The following CTXND1 variants were observed in gnomAD, a reference collection of about 807,000 sequenced individuals.
CTXND1 encodes the protein cortexin domain-containing 1 protein.
intron 1 of CTXND1, among the ~76,000 whole-genome samples, chr15:80,224,165 G>A (rs1395766215): frequency 6.6e-6 from 1 of 152,180 alleles, no homozygotes; most frequent in Non-Finnish European, 1.5e-5. Flanking sequence ...CCCCAGCTGT[G>A]TAAGTCTCCC....
chr15:80,234,900 T>C (rs1438556240), intron 1 of CTXND1, among the ~76,000 whole-genome samples: 1 of 152,204 alleles, frequency 6.6e-6, no homozygotes, highest in Non-Finnish European at 1.5e-5. Context: ...CCGTGTTTTG[T>C]TTCCTGCTTT....
Position 80,221,156 on chromosome 15 carries a change from G to A in CTXND1, c.-217-17416C>T, listed in dbSNP as rs143378115. Reference sequence around the variant, plus strand: ...GATTTGCTGACCTCGTGATCCGCCCGCCTCGGCCTCCCAAAGTGCTGGGAT... The same window carrying A: ...GATTTGCTGACCTCGTGATCCGCCCACCTCGGCCTCCCAAAGTGCTGGGAT... On this transcript the variant is annotated intron_variant, in intron 1 of 2. Coordinates refer to ENST00000560778, the MANE Select transcript of CTXND1 (RefSeq NM_001352888.2). Among the ~76,000 whole-genome samples, 768 of 151,968 alleles carry A rather than the reference G, an allele frequency of 5.1e-3. 1 individual carries two copies. The highest frequency in any genetic ancestry group is 7.3e-3 in the Non-Finnish European group (494 of 67,978).
At chr15:80,214,887 G>T (rs1210297958) in intron 1 of CTXND1, among the ~76,000 whole-genome samples, 1 of 152,118 alleles carries the variant, frequency 6.6e-6, no homozygotes, top group African/African-American at 2.4e-5. Context: ...AGTTTAACCT[G>T]GTTAAAAAGA....
intron 1 of CTXND1, among the ~76,000 whole-genome samples, chr15:80,230,981 C>A (rs542327024): frequency 6.6e-6 from 1 of 152,072 alleles, no homozygotes; most frequent in South Asian, 2.1e-4. Context: ...TCGCTTGAAG[C>A]CTGGAGTCAG....
chr15:80,195,808 T>C lies in CTXND1; in HGVS notation c.*5962A>G, dbSNP rs2041417400. The C allele has an allele frequency of 1.3e-5, 2 of 152,370 alleles. No individual in the cohort carries two copies. Among genetic ancestry groups the C allele is most frequent in the Admixed American group, 6.5e-5 (1 of 15,304 alleles). The allele number at this position is 152,370 out of a possible 1,614,324, so 9.4% of individuals were successfully genotyped here. A position where few individuals can be genotyped will look rare whatever the true frequency, so the allele number is the denominator to read the frequency against. On this transcript the variant is annotated 3_prime_UTR_variant, in exon 3 of 3. Transcript: ENST00000560778. ...AAACCACAGCATATTCATCTCAGCA[T>C]ATCCCACAAACATGGCCTTTAACCA...
intron 1 of CTXND1, among the ~76,000 whole-genome samples, chr15:80,230,645 C>A (rs779063087): frequency 1.3e-5 from 2 of 152,104 alleles, no homozygotes; most frequent in African/African-American, 4.8e-5. Flanking sequence ...TGATTTTAGA[C>A]CTTTCTTCTT....
intron 1 of CTXND1, among the ~76,000 whole-genome samples, chr15:80,214,234 T>C (rs1893229937): frequency 6.6e-6 from 1 of 152,258 alleles, no homozygotes; most frequent in Non-Finnish European, 1.5e-5. Context: ...TTAATATTGA[T>C]AGAAAAGTGT....
intron 1 of CTXND1, among the ~76,000 whole-genome samples, chr15:80,228,381 C>T (rs1893394847): frequency 6.6e-6 from 1 of 152,104 alleles, no homozygotes; most frequent in Non-Finnish European, 1.5e-5. Context: ...TGCCCAAATC[C>T]ATCAGAGGAA....
intron 1 of CTXND1, among the ~76,000 whole-genome samples, chr15:80,222,174 T>C (rs1391871965): frequency 6.6e-6 from 1 of 152,174 alleles, no homozygotes; most frequent in Non-Finnish European, 1.5e-5. Flanking sequence ...AATTTTAAGG[T>C]TTATATTCTT....
At chr15:80,203,311 C>T (rs1013515873) in intron 2 of CTXND1, among the ~76,000 whole-genome samples, 1 of 152,112 alleles carries the variant, frequency 6.6e-6, no homozygotes, top group Non-Finnish European at 1.5e-5. Context: ...AGCAAGTTAC[C>T]CAGGCATCAA....
intron 1 of CTXND1, among the ~76,000 whole-genome samples, chr15:80,221,075 AT>A (rs956994289): frequency 2.0e-4 from 31 of 151,462 alleles, no homozygotes; most frequent in South Asian, 4.2e-4. Context: ...CGCTCGACTA[AT>A]TTTTTTGTAT....
At chr15:80,234,236 A>G (rs1893466896) in intron 1 of CTXND1, among the ~76,000 whole-genome samples, 1 of 152,174 alleles carries the variant, frequency 6.6e-6, no homozygotes, top group Non-Finnish European at 1.5e-5. Context: ...TGATTATGGA[A>G]ACCTGACATT....
At chr15:80,217,252 C>G (rs1893263505) in intron 1 of CTXND1, among the ~76,000 whole-genome samples, 1 of 152,106 alleles carries the variant, frequency 6.6e-6, no homozygotes, top group African/African-American at 2.4e-5. Context: ...TGACAAAACT[C>G]CCACATGAGT....
At chr15:80,237,217 C>T (rs974343744) in intron 1 of CTXND1, among the ~76,000 whole-genome samples, 2 of 151,730 alleles carry the variant, frequency 1.3e-5, no homozygotes, top group Admixed American at 1.3e-4. Flanking sequence ...TGCCTGTAGT[C>T]CCAGCTACTT....
intron 1 of CTXND1, among the ~76,000 whole-genome samples, chr15:80,213,100 A>G (rs936886966): frequency 2.0e-4 from 31 of 152,204 alleles, no homozygotes; most frequent in African/African-American, 7.2e-4. Flanking sequence ...TGCTTGTCCC[A>G]TGATTTTCAG....
At chr15:80,230,855 T>C (rs1427090963) in intron 1 of CTXND1, among the ~76,000 whole-genome samples, 1 of 152,014 alleles carries the variant, frequency 6.6e-6, no homozygotes, top group Admixed American at 6.6e-5. Context: ...GTCAGGAGTT[T>C]GAGACCAGCC....
At chr15:80,232,455 A>G (rs1448540778) in intron 1 of CTXND1, among the ~76,000 whole-genome samples, 1 of 152,212 alleles carries the variant, frequency 6.6e-6, no homozygotes, top group Non-Finnish European at 1.5e-5. Flanking sequence ...ACACTAACAA[A>G]CAGCCTTTAA....
intron 1 of CTXND1, among the ~76,000 whole-genome samples, chr15:80,205,123 A>T (rs1221951148): frequency 6.6e-6 from 1 of 152,220 alleles, no homozygotes; most frequent in Non-Finnish European, 1.5e-5. Flanking sequence ...ACTGTTCCAC[A>T]TCTTTTAAAA....
chr15:80,237,478 G>A (rs1893515587), intron 1 of CTXND1, among the ~76,000 whole-genome samples: 1 of 152,086 alleles, frequency 6.6e-6, no homozygotes, highest in South Asian at 2.1e-4. Context: ...TGCCCCTGAA[G>A]CCCTTCCAGT....
Sources: gnomAD v4.1 joint callset for allele counts (sites outside exome capture counted in the v4.1 genomes callset) on GRCh38, gnomAD v4.1.1 for gene constraint, MANE v1.5 for transcripts, NCBI Gene and HGNC (gene_info 2026-07-23, HGNC 2026-07-21) for gene names.